TRHDE: variants seen among roughly 807,000 people sequenced by gnomAD.
TRHDE encodes the protein thyrotropin-releasing hormone-degrading ectoenzyme.
Under a neutral mutation model 125.7 loss-of-function variants are expected in TRHDE, and 72 were observed. That is an observed-to-expected ratio of 0.57 (90% CI 0.47 to 0.70). The LOEUF (loss-of-function observed/expected upper bound fraction) is 0.70, where lower values mean the gene tolerates loss of function less well. Among genes scored for constraint, TRHDE ranks in the 30% least tolerant of loss-of-function variants. TRHDE has a pLI of 0.00. For missense variants in TRHDE, 1,110 were observed against 1,327.1 expected, an observed-to-expected ratio of 0.84 and a Z score of 2.54; for synonymous variants, 509 against 509.1, an observed-to-expected ratio of 1.00 and a Z score of 0.00.
In TRHDE at chr12:72,088,795, C is replaced by G. The variant is rs577249194; in HGVS notation, n.174+1356C>G. Among the ~76,000 whole-genome samples the G allele has an allele frequency of 4.3e-4, 66 of 151,984 alleles. 1 individual carries two copies. In the South Asian group the frequency reaches 0.013, roughly 30 times the overall value. ...TTTGATCTGCTTCATTTTCTTCCCT[C>G]CCTTCTCTTCTCTTCTTCTTTTCTC... On this transcript the variant is annotated intron_variant and non_coding_transcript_variant, in intron 1 of 4. Transcript: ENST00000548156.
At chr12:72,239,066 T>G (rs1878421488) in intron 2 of TRHDE, among the ~76,000 whole-genome samples, 1 of 152,212 alleles carries the variant, frequency 6.6e-6, no homozygotes, top group Admixed American at 6.5e-5. Flanking sequence ...GTTTCCTGAC[T>G]TTTTAATGAT....
chr12:72,325,864 T>C (rs1869317698), intron 2 of TRHDE, among the ~76,000 whole-genome samples: 1 of 152,202 alleles, frequency 6.6e-6, no homozygotes, highest in Non-Finnish European at 1.5e-5. Context: ...CTCACTATGC[T>C]TCGACACAAA....
intron 12 of TRHDE, among the ~76,000 whole-genome samples, chr12:72,604,465 T>C (rs534252441): frequency 1.3e-5 from 2 of 151,994 alleles, no homozygotes; most frequent in Non-Finnish European, 2.9e-5. Context: ...TTGAGAAAAT[T>C]ATTATTGTTA....
intron 2 of TRHDE, among the ~76,000 whole-genome samples, chr12:72,321,711 G>A (rs970000589): frequency 2.2e-4 from 34 of 152,126 alleles, no homozygotes; most frequent in Non-Finnish European, 3.7e-4. Flanking sequence ...TACTGTGAAT[G>A]CATTATAGAG....
chr12:72,368,798 A>G (rs1257973442), intron 2 of TRHDE, among the ~76,000 whole-genome samples: 1 of 152,182 alleles, frequency 6.6e-6, no homozygotes, highest in Non-Finnish European at 1.5e-5. Context: ...ATTAATTCAA[A>G]TCTATCTGAA....
intron 5 of TRHDE, among the ~76,000 whole-genome samples, chr12:72,498,920 T>G (rs551317063): frequency 1.3e-5 from 2 of 151,894 alleles, no homozygotes; most frequent in Non-Finnish European, 2.9e-5. Flanking sequence ...AAGAGTGCCT[T>G]TTATTACTAG....
chr12:72,363,807 A>G (rs1480421199), intron 2 of TRHDE, among the ~76,000 whole-genome samples: 4 of 152,038 alleles, frequency 2.6e-5, no homozygotes, highest in Non-Finnish European at 4.4e-5. Context: ...AGGGTATTCA[A>G]TTAGGAAAAG....
At chr12:72,533,925 G>C (rs749034249) in intron 6 of TRHDE, among the ~76,000 whole-genome samples, 1 of 151,900 alleles carries the variant, frequency 6.6e-6, no homozygotes, top group Admixed American at 6.6e-5. Context: ...CTTGAATATA[G>C]ACTACCCTGT....
At chr12:72,172,694 G>A (rs1000640896) in intron 2 of TRHDE, among the ~76,000 whole-genome samples, 2 of 152,256 alleles carry the variant, frequency 1.3e-5, no homozygotes, top group Admixed American at 1.3e-4. Context: ...TAATACCATG[G>A]CCACTCATAA....
intron 2 of TRHDE, among the ~76,000 whole-genome samples, chr12:72,121,611 T>G (rs890047450): frequency 6.6e-6 from 1 of 152,124 alleles, no homozygotes; most frequent in African/African-American, 2.4e-5. Context: ...GAGGTGATGG[T>G]AGCTATTCAA....
At chr12:72,328,204 A>G (rs1490253064) in intron 2 of TRHDE, among the ~76,000 whole-genome samples, 2 of 152,216 alleles carry the variant, frequency 1.3e-5, no homozygotes, top group Non-Finnish European at 2.9e-5. Flanking sequence ...ATGTATTGAC[A>G]CACACTAAAA....
chr12:72,560,746 A>G (rs1049619873), intron 7 of TRHDE: 3 of 152,192 alleles, frequency 2.0e-5, no homozygotes, highest in African/African-American at 7.2e-5. Context: ...GGATCACTTG[A>G]GCCTGGGAGG....
chr12:72,109,465 CATA>C (rs1254723884), intron 2 of TRHDE, among the ~76,000 whole-genome samples: 1 of 151,994 alleles, frequency 6.6e-6, no homozygotes, highest in Non-Finnish European at 1.5e-5. Context: ...ACTAATATCA[CATA>C]ATAAGTAAGA....
At chr12:72,594,340 C>T (rs983453382) in intron 12 of TRHDE, among the ~76,000 whole-genome samples, 4 of 151,764 alleles carry the variant, frequency 2.6e-5, no homozygotes, top group African/African-American at 9.7e-5. Flanking sequence ...ATATCTAGAC[C>T]AGCCTGACCA....
intron 2 of TRHDE, among the ~76,000 whole-genome samples, chr12:72,266,423 G>C (rs1307952105): frequency 6.6e-6 from 1 of 151,768 alleles, no homozygotes; most frequent in Non-Finnish European, 1.5e-5. Context: ...ATAAGCTATA[G>C]TCAACTCTTT....
chr12:72,213,108 A>G (rs1212342428), intron 2 of TRHDE, among the ~76,000 whole-genome samples: 1 of 152,160 alleles, frequency 6.6e-6, no homozygotes, highest in Non-Finnish European at 1.5e-5. Flanking sequence ...GTATATATGT[A>G]TGATTCCATT....
intron 3 of TRHDE, among the ~76,000 whole-genome samples, chr12:72,449,682 C>T (rs11179208): frequency 0.022 from 3,410 of 151,858 alleles, 123 homozygotes; most frequent in African/African-American, 0.078. Flanking sequence ...GTTCAGATTG[C>T]AAATATGGAC....
intron 6 of TRHDE, among the ~76,000 whole-genome samples, chr12:72,509,872 A>AT (rs1878512305): frequency 6.6e-6 from 1 of 152,242 alleles, no homozygotes. Flanking sequence ...TAAACAAAAC[A>AT]TTCTGGTGTT....
rs113530717 is a variant in TRHDE at position 72,378,360 on chromosome 12, G to A, written c.1315+239G>A. On this transcript the variant is annotated intron_variant, in intron 3 of 18. Coordinates refer to ENST00000261180, the MANE Select transcript of TRHDE (RefSeq NM_013381.3). ...ATTATGTTAGTTTAGGATTCCAAAA[G>A]ACAAGCCAAATAGCTATAATTTGTT... Among the ~76,000 whole-genome samples, 576 of 152,278 alleles carry A rather than the reference G, an allele frequency of 3.8e-3. 6 individuals are homozygous for A. The highest frequency in any genetic ancestry group is 0.013 in the African/African-American group (555 of 41,574).
Sources: allele counts gnomAD v4.1 joint callset (sites outside exome capture counted in the v4.1 genomes callset), GRCh38; gene constraint gnomAD v4.1.1; transcripts MANE v1.5; gene names NCBI Gene and HGNC (gene_info 2026-07-23, HGNC 2026-07-21).